The following PTK2B variants were observed in gnomAD, a reference collection of about 807,000 sequenced individuals.
PTK2B encodes the protein protein-tyrosine kinase 2-beta.
A neutral mutation model predicts 142.9 loss-of-function variants in PTK2B; 71 were observed. The observed-to-expected ratio is 0.50, with a 90% CI of 0.41 to 0.61. The LOEUF (loss-of-function observed/expected upper bound fraction) is 0.61. Among genes scored for constraint, PTK2B ranks in the 20% least tolerant of loss-of-function variants. The pLI, the probability that PTK2B is intolerant of heterozygous loss-of-function variation, is 0.00. For synonymous variants in PTK2B, 519 were observed against 503.4 expected, an observed-to-expected ratio of 1.03 and a Z score of -0.42; for missense variants, 1,105 against 1,320.4, an observed-to-expected ratio of 0.84 and a Z score of 2.53.
intron 24 of PTK2B, among the ~76,000 whole-genome samples, chr8:27,446,606 A>T (rs1472195222): frequency 6.6e-6 from 1 of 152,174 alleles, no homozygotes. Context: ...CTTCTTCCAT[A>T]CAAATGGCCC....
intron 1 of PTK2B, among the ~76,000 whole-genome samples, chr8:27,390,164 A>T (rs2565054): frequency 6.6e-6 from 1 of 152,084 alleles, no homozygotes; most frequent in Non-Finnish European, 1.5e-5. Flanking sequence ...GAGACAGGCA[A>T]TGGGGCTGTG....
chr8:27,454,981 T>C (rs1235434768), intron 30 of PTK2B, among the ~76,000 whole-genome samples: 1 of 152,216 alleles, frequency 6.6e-6, no homozygotes, highest in Non-Finnish European at 1.5e-5. Flanking sequence ...GGTTTCTTTA[T>C]TTAATCTGAT....
intron 1 of PTK2B, among the ~76,000 whole-genome samples, chr8:27,333,408 A>G (rs1304495291): frequency 6.6e-6 from 1 of 152,188 alleles, no homozygotes; most frequent in Non-Finnish European, 1.5e-5. Flanking sequence ...TCTGGTGTGT[A>G]GAGTGGATGA....
At chr8:27,355,118 T>G (rs1011780501) in intron 1 of PTK2B, among the ~76,000 whole-genome samples, 1 of 152,336 alleles carries the variant, frequency 6.6e-6, no homozygotes, top group South Asian at 2.1e-4. Flanking sequence ...GTCCGCATCC[T>G]AATCCCAGAA....
At chr8:27,327,875 A>G (rs1215970959) in intron 1 of PTK2B, among the ~76,000 whole-genome samples, 1 of 152,180 alleles carries the variant, frequency 6.6e-6, no homozygotes, top group Non-Finnish European at 1.5e-5. Flanking sequence ...ATGTATGTAA[A>G]TTGCCTAGTG....
At chr8:27,420,775 G>T (rs753407642) in intron 4 of PTK2B, 31 bp downstream of exon 4, 92 of 1,565,828 alleles carry the variant, frequency 5.9e-5, no homozygotes, top group African/African-American at 8.1e-5. Context: ...TTGCCCCGAG[G>T]CTCCCATTAC....
rs750330067 is a variant in PTK2B at position 27,450,877 on chromosome 8, G to A, written c.2469G>A (p.Arg823=). 3 of 1,614,220 alleles carry A rather than the reference G, an allele frequency of 1.9e-6. No individual in the cohort carries two copies. Among genetic ancestry groups the A allele is most frequent in the East Asian group, 2.2e-5 (1 of 44,884 alleles). The change falls in exon 25 of 31, where the codon AGG becomes AGA. Residue 823 remains arginine, a synonymous_variant. Coordinates refer to ENST00000346049, the MANE Select transcript of PTK2B (RefSeq NM_173176.3). ...TGGTGGAGGACTACCAGTGGCTCAG[G>A]CAGGAGGAGAAGTCCCTGGTGAGCA... ...KQMVEDYQWL[R]QEEKSLDPMV... is the part of the protein sequence containing the mutation.
intron 5 of PTK2B, among the ~76,000 whole-genome samples, chr8:27,426,089 C>T (rs189729883): frequency 2.0e-5 from 3 of 152,116 alleles, no homozygotes; most frequent in Non-Finnish European, 4.4e-5. Context: ...ACAACAACTA[C>T]AACAAAACAG....
intron 1 of PTK2B, among the ~76,000 whole-genome samples, chr8:27,337,079 T>C (rs1804116463): frequency 6.6e-6 from 1 of 151,934 alleles, no homozygotes; most frequent in African/African-American, 2.4e-5. Flanking sequence ...AAAATTCACC[T>C]TTTAAAAATG....
Position 27,458,809 on chromosome 8 carries a change from G to A in PTK2B, c.*300G>A, listed in dbSNP as rs1169009242. On this transcript the variant is annotated 3_prime_UTR_variant, in exon 31 of 31. Coordinates refer to ENST00000346049, the MANE Select transcript of PTK2B (RefSeq NM_173176.3). ...AGCCTGGTCCATGCAGGGGGCTCCTGGGGGTGGGGAGGTGTCACATGGTGC... is the reference window on the plus strand; with the variant it reads ...AGCCTGGTCCATGCAGGGGGCTCCTAGGGGTGGGGAGGTGTCACATGGTGC... The A allele has an allele frequency of 6.2e-6, 3 of 486,150 alleles. No individual in the cohort carries two copies. The East Asian group carries it at 1.1e-4, about 18-fold the overall frequency. 30.1% of individuals were successfully genotyped at this position (486,150 alleles called of 1,614,324 possible). A position where few individuals can be genotyped will look rare whatever the true frequency, so the allele number is the denominator to read the frequency against.
rs955541169 is a variant in PTK2B, at chr8:27,437,769, G to C, written c.1532G>C (p.Gly511Ala). ...IMELYPYGEL[G>A]HYLERNKNSL... ...GGCACCTCCCCATTCCTGCAGCTGG[G>C]CCACTACCTGGAGCGGAACAAGAAC... The change falls in exon 18 of 31, where the codon GGC becomes GCC. Residue 511 changes from glycine to alanine, a missense_variant. Coordinates refer to ENST00000346049, the MANE Select transcript of PTK2B (RefSeq NM_173176.3). 2 of 1,610,108 alleles carry C rather than the reference G, an allele frequency of 1.2e-6. No homozygotes were observed. Among genetic ancestry groups the C allele is most frequent in the Non-Finnish European group, 1.7e-6 (2 of 1,178,594 alleles).
chr8:27,422,212 G>A, intron 4 of PTK2B, 92 bp from the exon 5 acceptor site: 2 of 1,233,410 alleles, frequency 1.6e-6, no homozygotes, highest in Non-Finnish European at 1.1e-6. Context: ...CACTCAGGGA[G>A]GCAGAATGAG....
In PTK2B at chr8:27,437,176, GACA is replaced by G. The variant is rs749160991; in HGVS notation, c.1401_1403del (p.Asn467del). The stretch of plus-strand genomic sequence containing the variant: ...GACCTGCAAGAAAGACTGCACTCTG[GACA>G]ACAAGGAGAAGTTCATGAGCGAGGC... On this transcript the variant is annotated inframe_deletion, in exon 16 of 31. Coordinates refer to ENST00000346049, the MANE Select transcript of PTK2B (RefSeq NM_173176.3). The G allele has an allele frequency of 1.1e-5, 18 of 1,613,936 alleles. No individual in the cohort carries two copies. The highest frequency in any genetic ancestry group is 1.4e-5 in the Non-Finnish European group (17 of 1,179,986).
At chr8:27,425,066 G>A (rs549739733) in intron 5 of PTK2B, among the ~76,000 whole-genome samples, 7 of 138,704 alleles carry the variant, frequency 5.0e-5, no homozygotes, top group African/African-American at 1.7e-4. Context: ...TAGTCACGTT[G>A]TGTTACTATA....
intron 2 of PTK2B, among the ~76,000 whole-genome samples, chr8:27,402,407 G>T (rs1028771386): frequency 1.3e-5 from 2 of 152,222 alleles, no homozygotes; most frequent in Non-Finnish European, 2.9e-5. Flanking sequence ...ACATGGAAAT[G>T]CTGAGTAGAT....
chr8:27,310,986 G>A (rs767253175), upstream of PTK2B: 2 of 1,611,864 alleles, frequency 1.2e-6, no homozygotes, highest in Admixed American at 1.7e-5. Flanking sequence ...GCCTCCTCGC[G>A]CAGCAGCTTC....
Position 27,435,777 on chromosome 8 carries a change from C to G in PTK2B, c.1227C>G (p.Thr409=). The G allele has an allele frequency of 6.2e-7, 1 of 1,614,130 alleles. No individual in the cohort carries two copies. Among genetic ancestry groups the G allele is most frequent in the Non-Finnish European group, 8.5e-7 (1 of 1,180,030 alleles). Residue 409 remains threonine, a synonymous_variant, in exon 14 of 31, where the codon ACC becomes ACG. Transcript: ENST00000346049. ...TCTACGCAGAGATTCCCGACGAAAC[C>G]CTGCGAAGGCCCGGAGGTAGGTTCT... ...SDIYAEIPDE[T]LRRPGGPQYG... is the part of the protein sequence containing the mutation.
intron 2 of PTK2B, among the ~76,000 whole-genome samples, chr8:27,400,977 C>G (rs1808348007): frequency 8.7e-6 from 1 of 114,448 alleles, no homozygotes; most frequent in African/African-American, 2.9e-5. Flanking sequence ...GAAACCCCAT[C>G]TCTACCAAAA....
intron 1 of PTK2B, among the ~76,000 whole-genome samples, chr8:27,390,062 C>G (rs758021775): frequency 2.0e-5 from 3 of 152,156 alleles, no homozygotes; most frequent in Non-Finnish European, 4.4e-5. Context: ...GTGTGTGTCT[C>G]GTGACATTGT....
Sources: gnomAD v4.1 joint callset for allele counts (sites outside exome capture counted in the v4.1 genomes callset) on GRCh38, gnomAD v4.1.1 for gene constraint, MANE v1.5 for transcripts, NCBI Gene and HGNC (gene_info 2026-07-23, HGNC 2026-07-21) for gene names.